Variants in CALCR observed in about 807,000 individuals in gnomAD.
The protein encoded by CALCR is calcitonin receptor.
In CALCR, 47 loss-of-function variants were observed where a neutral mutation model predicts 59.5. The observed-to-expected ratio is 0.79, with a 90% CI of 0.63 to 1.01. CALCR has a LOEUF of 1.01. Among genes scored for constraint, CALCR ranks in the 50% least tolerant of loss-of-function variants. CALCR has a pLI of 0.00. For missense variants in CALCR, 566 were observed against 597.1 expected (o/e 0.95, Z 0.54); for synonymous variants, 213 against 211.3 (o/e 1.01, Z -0.07).
rs181878029 is a variant in CALCR at position 93,571,870 on chromosome 7, G to A, written c.-27+2419C>T. On this transcript the variant is annotated intron_variant, in intron 2 of 13. Coordinates refer to ENST00000426151, the MANE Select transcript of CALCR (RefSeq NM_001742.4). ...AAAGTACTAGATTATCATTGGCACCGGGTATATGGTAGTTAGTGTGCCAAG... is the reference window on the plus strand; with the variant it reads ...AAAGTACTAGATTATCATTGGCACCAGGTATATGGTAGTTAGTGTGCCAAG... Among the ~76,000 whole-genome samples, 8 of 152,162 alleles carry A rather than the reference G, an allele frequency of 5.3e-5. No individual in the cohort carries two copies. In the East Asian group the frequency reaches 7.7e-4, roughly 15 times the overall value.
At chr7:93,479,015 A>G (rs1247823720) in intron 4 of CALCR, among the ~76,000 whole-genome samples, 2 of 151,882 alleles carry the variant, frequency 1.3e-5, no homozygotes, top group African/African-American at 4.8e-5. Flanking sequence ...CACCTCAGGC[A>G]AATTCTCTGC....
chr7:93,441,490 G>GCCCTCTCATGTACA (rs753011793), intron 9 of CALCR: 1 of 454,688 alleles, frequency 2.2e-6, no homozygotes, highest in Admixed American at 2.4e-5. Flanking sequence ...TGTTGAGAGG[G>GCCCTCTCATGTACA]TGTACATACG....
At chr7:93,484,871 T>C (rs1348667227) in intron 3 of CALCR, among the ~76,000 whole-genome samples, 1 of 151,704 alleles carries the variant, frequency 6.6e-6, no homozygotes, top group Non-Finnish European at 1.5e-5. Flanking sequence ...CTAAGCTTAC[T>C]GTATACCTCG....
chr7:93,509,063 A>G (rs983047440), intron 2 of CALCR, among the ~76,000 whole-genome samples: 1 of 152,160 alleles, frequency 6.6e-6, no homozygotes. Context: ...GGTGGGGTGT[A>G]TGTTCCCTCC....
intron 2 of CALCR, among the ~76,000 whole-genome samples, chr7:93,488,369 A>G (rs1240102028): frequency 6.6e-6 from 1 of 151,416 alleles, no homozygotes; most frequent in African/African-American, 2.4e-5. Context: ...AAATAACCAG[A>G]TAGCATCATG....
intron 9 of CALCR, chr7:93,441,397 T>C (rs901435418): frequency 2.4e-5 from 9 of 373,184 alleles, no homozygotes; most frequent in African/African-American, 1.1e-4. Context: ...ATTATTATGA[T>C]TGTGATGATC....
chr7:93,515,486 A>T (rs1405428646), intron 2 of CALCR, among the ~76,000 whole-genome samples: 2 of 152,072 alleles, frequency 1.3e-5, no homozygotes, highest in African/African-American at 2.4e-5. Context: ...CATCATTGTG[A>T]TTATTATGAA....
intron 11 of CALCR, among the ~76,000 whole-genome samples, chr7:93,437,112 AT>A (rs1799797935): frequency 6.6e-6 from 1 of 151,924 alleles, no homozygotes; most frequent in Non-Finnish European, 1.5e-5. Context: ...ATTTCTGTTA[AT>A]TTATGGTCAT....
In CALCR at chr7:93,479,375, A is replaced by G. The variant is rs1800741505; in HGVS notation, c.184T>C (p.Leu62=). The G allele has an allele frequency of 2.5e-6, 4 of 1,610,598 alleles. No individual in the cohort carries two copies. Among genetic ancestry groups the G allele is most frequent in the Non-Finnish European group, 3.4e-6 (4 of 1,178,424 alleles). Residue 62 remains leucine (L), a synonymous_variant, in exon 4 of 14, where the codon TTA becomes CTA. Coordinates refer to ENST00000426151, the MANE Select transcript of CALCR (RefSeq NM_001742.4). ...QYKCYDRMQQ[L]PAYQGEGPYC... is the part of the protein sequence containing the mutation. ...TTACCTTCTCCTTGGTATGCGGGTAACTGCTGCATTCGGTCATAGCATTTG... is the reference window on the plus strand; with the variant it reads ...TTACCTTCTCCTTGGTATGCGGGTAGCTGCTGCATTCGGTCATAGCATTTG...
At chr7:93,564,249 G>GT (rs1426930589) in intron 2 of CALCR, among the ~76,000 whole-genome samples, 2 of 152,184 alleles carry the variant, frequency 1.3e-5, no homozygotes, top group African/African-American at 4.8e-5. Context: ...TGGTGAATGT[G>GT]TGGGGGGGGA....
At chr7:93,574,185 C>T (rs1194474637) in intron 2 of CALCR, 104 bp downstream of exon 2, 4 of 152,256 alleles carry the variant, frequency 2.6e-5, no homozygotes, top group Non-Finnish European at 4.4e-5. Context: ...AATCAAACCA[C>T]ATTTCTATAA....
intron 2 of CALCR, among the ~76,000 whole-genome samples, chr7:93,515,518 TA>T (rs1801632235): frequency 6.6e-6 from 1 of 152,082 alleles, no homozygotes; most frequent in African/African-American, 2.4e-5. Flanking sequence ...TAGCTGTTAT[TA>T]TTTTGGTGTT....
At chr7:93,457,794 G>A (rs1052194264) in intron 8 of CALCR, among the ~76,000 whole-genome samples, 3 of 152,064 alleles carry the variant, frequency 2.0e-5, no homozygotes, top group African/African-American at 2.4e-5. Flanking sequence ...GGTTATAGGC[G>A]GCGATCACTT....
intron 2 of CALCR, among the ~76,000 whole-genome samples, chr7:93,518,752 C>A (rs1801697579): frequency 1.3e-5 from 2 of 151,828 alleles, no homozygotes; most frequent in Admixed American, 6.6e-5. Context: ...AGAATGAGAT[C>A]AATCTCTATG....
At chr7:93,555,049 C>T (rs745935249) in intron 2 of CALCR, among the ~76,000 whole-genome samples, 1 of 151,764 alleles carries the variant, frequency 6.6e-6, no homozygotes, top group Non-Finnish European at 1.5e-5. Flanking sequence ...GGGTACTGAC[C>T]CCACTGAGGG....
chr7:93,440,988 G>T (rs1562974902), intron 9 of CALCR, among the ~76,000 whole-genome samples: 1 of 152,046 alleles, frequency 6.6e-6, no homozygotes, highest in African/African-American at 2.4e-5. Context: ...CTTTGTTTTT[G>T]ATACAGCTGA....
intron 7 of CALCR, among the ~76,000 whole-genome samples, chr7:93,462,423 C>T (rs1317893769): frequency 2.0e-5 from 3 of 152,052 alleles, no homozygotes; most frequent in African/African-American, 7.2e-5. Flanking sequence ...AGGTAGGTTG[C>T]AAATTTAAAT....
intron 2 of CALCR, chr7:93,496,019 T>C (rs1173697655): frequency 1.9e-6 from 2 of 1,039,612 alleles, no homozygotes; most frequent in African/African-American, 3.3e-5. Flanking sequence ...TGATAATGAT[T>C]GAACAGAATG....
At chr7:93,436,752 T>C (rs901940448) in intron 11 of CALCR, among the ~76,000 whole-genome samples, 16 of 152,224 alleles carry the variant, frequency 1.1e-4, no homozygotes, top group African/African-American at 3.9e-4. Context: ...TCTATTGTTT[T>C]GTCTTTTACA....
Sources: allele counts gnomAD v4.1 joint callset (sites outside exome capture counted in the v4.1 genomes callset), GRCh38; gene constraint gnomAD v4.1.1; transcripts MANE v1.5; gene names NCBI Gene and HGNC (gene_info 2026-07-23, HGNC 2026-07-21).